The following XRN1 variants were observed in gnomAD, a reference collection of about 807,000 sequenced individuals.
XRN1 encodes the protein 5'-3' exoribonuclease 1, also known as strand-exchange protein 1 homolog.
Under a neutral mutation model 222.3 loss-of-function variants are expected in XRN1, and 67 were observed. The ratio of observed to expected loss-of-function variants is 0.30; its 90% CI spans 0.25 to 0.37. XRN1 has a LOEUF of 0.37. XRN1 is among the 10% of genes least tolerant of loss of function. The pLI is 1.00. For synonymous variants in XRN1, 643 were observed against 652.4 expected, an observed-to-expected ratio of 0.99 and a Z score of 0.22; for missense variants, 1,707 against 2,000.2, an observed-to-expected ratio of 0.85 and a Z score of 2.80.
At chr3:142,364,932 ATTGT>A (rs1235640343) in intron 29 of XRN1, 111 bp downstream of exon 29, 7 of 935,770 alleles carry the variant, frequency 7.5e-6, no homozygotes, top group South Asian at 2.1e-5. Context: ...ACATAAAAAG[ATTGT>A]TTGTTCCTGA....
At chr3:142,424,512 T>C (rs1288928577) in intron 5 of XRN1, among the ~76,000 whole-genome samples, 1 of 152,126 alleles carries the variant, frequency 6.6e-6, no homozygotes, top group Non-Finnish European at 1.5e-5. Flanking sequence ...GAAAACAAAA[T>C]GAAACATTTA....
rs369989536 is a variant in XRN1 at position 142,379,446 on chromosome 3, G to A, written c.2715+636C>T. On this transcript the variant is annotated intron_variant, in intron 23 of 40. Coordinates refer to ENST00000392981, the MANE Select transcript of XRN1 (RefSeq NM_001282857.2). ...GGAGTAAGTGCTCCATCAAAATGGA[G>A]ATATAAATCAGAAAGAACGAGGCAT... Among the ~76,000 whole-genome samples, 21 of 152,314 alleles carry A rather than the reference G, an allele frequency of 1.4e-4. No individual in the cohort carries two copies. The South Asian group carries it at 4.3e-3, about 32-fold the overall frequency.
At chr3:142,386,914 C>A (rs1172145532) in intron 20 of XRN1, among the ~76,000 whole-genome samples, 1 of 152,064 alleles carries the variant, frequency 6.6e-6, no homozygotes, top group Non-Finnish European at 1.5e-5. Context: ...AGTTTGCAAA[C>A]CTTTTTGGTA....
In XRN1 at chr3:142,370,386, A is replaced by G. The variant is rs938639913; in HGVS notation, c.3204+99T>C. 4.4e-6 allele frequency: 6 copies of G among 1,370,010 alleles called. No individual in the cohort carries two copies. The African/African-American group carries it at 6.0e-5, about 14-fold the overall frequency. 84.9% of individuals were successfully genotyped at this position (1,370,010 alleles called of 1,614,324 possible). ...TTGATACTAATTAGAATCACTAAGTATATGTTTTATTTGGTTGAAACACAA... is the reference window on the plus strand; with the variant it reads ...TTGATACTAATTAGAATCACTAAGTGTATGTTTTATTTGGTTGAAACACAA... On this transcript the variant is annotated intron_variant, in intron 27 of 40. Transcript: ENST00000392981.
At chr3:142,409,566 T>C (rs1297039778) in intron 15 of XRN1, among the ~76,000 whole-genome samples, 1 of 152,238 alleles carries the variant, frequency 6.6e-6, no homozygotes, top group African/African-American at 2.4e-5. Flanking sequence ...TTGATTAATG[T>C]GGCTTCATGG....
intron 1 of XRN1, among the ~76,000 whole-genome samples, chr3:142,436,357 C>T (rs2069910830): frequency 1.1e-4 from 16 of 152,150 alleles, no homozygotes. Flanking sequence ...TATATTCATT[C>T]TCTGACTTAA....
In XRN1 at chr3:142,423,603, G is replaced by T; in HGVS notation, c.667C>A (p.Leu223Ile). 1 of 1,600,386 alleles carries T rather than the reference G, an allele frequency of 6.2e-7. No homozygotes were observed. Among genetic ancestry groups the T allele is most frequent in the Non-Finnish European group, 8.5e-7 (1 of 1,174,738 alleles). ...GLTSHEAHFS[L>I]LREEVRFGGK... is the part of the protein sequence containing the mutation. ...CCAAATCGAACTTCTTCTCTTAAGA[G>T]AGAAAAATGTGCCTCATGACTTGTT... The change falls in exon 6 of 41, where the codon CTC becomes ATC. Residue 223 changes from leucine (L) to isoleucine (I), a missense_variant. Around this residue, in one of 2 missense-constraint regions of XRN1, gnomAD observed 1,234 missense variants for 1,518.2 expected, o/e 0.81. Transcript: ENST00000392981.
intron 26 of XRN1, 81 bp downstream of exon 26, chr3:142,371,158 A>T (rs541493394): frequency 8.6e-7 from 1 of 1,158,778 alleles, no homozygotes; most frequent in East Asian, 2.5e-5. Context: ...GTAATATGAA[A>T]TTCTTGAGAA....
chr3:142,427,820 T>G (rs1364857168), intron 2 of XRN1, among the ~76,000 whole-genome samples: 4 of 152,240 alleles, frequency 2.6e-5, no homozygotes, highest in Non-Finnish European at 5.9e-5. Context: ...CCACATGGCA[T>G]ACAAGTTAGG....
chr3:142,311,688 C>A lies in XRN1; in HGVS notation c.4908G>T (p.Glu1636Asp). The change falls in exon 41 of 41, where the codon GAG becomes GAT. Residue 1636 changes from glutamate to aspartate, a missense_variant. Glu to Asp is a conservative substitution (Grantham distance 45, BLOSUM62 2). Transcript: ENST00000392981. The part of the protein sequence containing the change: ...SSNIVKVSPR[E>D]SSSASLKSSP... ...AGGACTTCAAAGAAGCTGATGAGCTCTCCCGTGGACTTACTTTGACAATGT... is the reference window on the plus strand; with the variant it reads ...AGGACTTCAAAGAAGCTGATGAGCTATCCCGTGGACTTACTTTGACAATGT... 1.9e-6 allele frequency: 3 copies of A among 1,614,140 alleles called. No homozygotes were observed. Among genetic ancestry groups the A allele is most frequent in the South Asian group, 1.1e-5 (1 of 91,072 alleles).
At chr3:142,340,400 G>T (rs2065961255) in intron 33 of XRN1, among the ~76,000 whole-genome samples, 1 of 150,794 alleles carries the variant, frequency 6.6e-6, no homozygotes, top group Non-Finnish European at 1.5e-5. Flanking sequence ...AAAAGAATAA[G>T]AAAGAATGAA....
intron 33 of XRN1, among the ~76,000 whole-genome samples, chr3:142,340,372 A>G (rs546675475): frequency 1.0e-3 from 153 of 151,796 alleles, no homozygotes; most frequent in Non-Finnish European, 1.6e-3. Context: ...AACCACACAC[A>G]CAGAGAAGAG....
In XRN1 at chr3:142,427,009, A is replaced by G. The variant is rs141375204; in HGVS notation, c.309-168T>C. Among the ~76,000 whole-genome samples, 368 of 152,258 alleles carry G rather than the reference A, an allele frequency of 2.4e-3. 3 individuals are homozygous for G. The highest frequency in any genetic ancestry group is 8.2e-3 in the African/African-American group (342 of 41,550). On this transcript the variant is annotated intron_variant, in intron 2 of 40. Transcript: ENST00000392981. ...TATGATTGATAAAAATGAGCCCCAG[A>G]CTTGTCTGTTTTGTTTATTTAAAGA...
intron 27 of XRN1, among the ~76,000 whole-genome samples, chr3:142,366,987 A>C (rs2066833574): frequency 6.6e-6 from 1 of 152,168 alleles, no homozygotes; most frequent in Admixed American, 6.5e-5. Context: ...CTAAGAGCTT[A>C]TTAGAAATGC....
intron 1 of XRN1, among the ~76,000 whole-genome samples, chr3:142,440,427 G>C (rs961077857): frequency 2.0e-5 from 3 of 151,942 alleles, no homozygotes; most frequent in African/African-American, 7.3e-5. Context: ...AATTAATCCT[G>C]AAGTCTGGGC....
intron 22 of XRN1, among the ~76,000 whole-genome samples, chr3:142,381,637 G>T (rs1400374758): frequency 2.1e-5 from 3 of 143,636 alleles, no homozygotes; most frequent in African/African-American, 5.2e-5. Context: ...GTATGATCTT[G>T]GTTCACCACA....
intron 35 of XRN1, 46 bp downstream of exon 35, chr3:142,332,921 C>T: frequency 6.2e-7 from 1 of 1,604,110 alleles, no homozygotes; most frequent in South Asian, 1.1e-5. Context: ...GCATGGTCAA[C>T]AGTCGAGAAA....
chr3:142,422,533 G>C lies in XRN1; in HGVS notation c.967+49C>G, dbSNP rs758793639. ...AAACTAAGTCACATTTTTAGGGTAA[G>C]GTGGCACTAAATTAAAGTATCCTCG... is the stretch of plus-strand genomic sequence containing the variant. On this transcript the variant is annotated intron_variant, in intron 8 of 40. Transcript: ENST00000392981. The C allele has an allele frequency of 1.0e-5, 16 of 1,547,594 alleles. No homozygotes were observed. The African/African-American group carries it at 1.5e-4, about 15-fold the overall frequency.
In XRN1 at chr3:142,403,998, T is replaced by C. The variant is rs1050926338; in HGVS notation, c.1884-9A>G. ...AGGATATTATTTTATACCTAGAAAA[T>C]AAATCAAGGCATTTAATTTAAAATT... On this transcript the variant is annotated splice_polypyrimidine_tract_variant and intron_variant, in intron 16 of 40. Coordinates refer to ENST00000392981, the MANE Select transcript of XRN1 (RefSeq NM_001282857.2). 36 of 1,551,136 alleles carry C rather than the reference T, an allele frequency of 2.3e-5. No homozygotes were observed. Among genetic ancestry groups the C allele is most frequent in the Non-Finnish European group, 3.1e-5 (35 of 1,130,790 alleles).
Sources: allele counts gnomAD v4.1 joint callset (sites outside exome capture counted in the v4.1 genomes callset), GRCh38; gene constraint gnomAD v4.1.1; regional missense constraint gnomAD v4.1.1; transcripts MANE v1.5; gene names NCBI Gene and HGNC (gene_info 2026-07-23, HGNC 2026-07-21).